HP1BP3: variants seen among roughly 807,000 people sequenced by gnomAD.
HP1BP3 encodes the protein heterochromatin protein 1 binding protein 3.
In HP1BP3, 12 loss-of-function variants were observed where a neutral mutation model predicts 62.5. The observed-to-expected ratio is 0.19, with a 90% CI of 0.12 to 0.31. HP1BP3 has a LOEUF of 0.31. Among genes scored for constraint, HP1BP3 ranks in the 10% least tolerant of loss-of-function variants. The pLI is 1.00. For missense variants in HP1BP3, 502 were observed against 651.8 expected, an observed-to-expected ratio of 0.77 and a Z score of 2.50; for synonymous variants, 260 against 237.8, an observed-to-expected ratio of 1.09 and a Z score of -0.86.
At chr1:20,778,300 T>TA (rs935204358) in intron 3 of HP1BP3, among the ~76,000 whole-genome samples, 1 of 152,212 alleles carries the variant, frequency 6.6e-6, no homozygotes, top group African/African-American at 2.4e-5. Context: ...GTGTAAAACA[T>TA]AGAGTTTACA....
At chr1:20,777,659 T>C (rs1487232900) in intron 3 of HP1BP3, among the ~76,000 whole-genome samples, 2 of 152,080 alleles carry the variant, frequency 1.3e-5, no homozygotes, top group African/African-American at 4.8e-5. Flanking sequence ...AGGGTTTCAT[T>C]GTGTTAGCCA....
intron 9 of HP1BP3, chr1:20,750,174 C>T: frequency 3.9e-6 from 1 of 257,884 alleles, no homozygotes; most frequent in Non-Finnish European, 7.1e-6. Context: ...AGCAGGTTAA[C>T]CAGTTATGTC....
chr1:20,765,799 CCT>C (rs2056752446), intron 7 of HP1BP3, among the ~76,000 whole-genome samples: 2 of 148,740 alleles, frequency 1.3e-5, no homozygotes. Flanking sequence ...TGCAAAACCT[CCT>C]CTCTACTAAA....
At chr1:20,747,267 C>CA (rs1553157569) in intron 11 of HP1BP3, among the ~76,000 whole-genome samples, 11 of 149,726 alleles carry the variant, frequency 7.3e-5, no homozygotes, top group Non-Finnish European at 1.5e-4. Flanking sequence ...TATATGTGGA[C>CA]TTTTTTTTTT....
chr1:20,780,305 T>A (rs766596854), intron 2 of HP1BP3, 40 bp downstream of exon 2: 1 of 1,432,186 alleles, frequency 7.0e-7, no homozygotes, highest in Admixed American at 1.7e-5. Flanking sequence ...AAGTCAGGGA[T>A]TGATCCAAGA....
At chr1:20,756,119 A>G (rs551335627) in intron 9 of HP1BP3, among the ~76,000 whole-genome samples, 24 of 152,364 alleles carry the variant, frequency 1.6e-4, no homozygotes, top group African/African-American at 5.8e-4. Flanking sequence ...TATAAACTGT[A>G]ATTATATAAA....
chr1:20,775,969 A>T (rs1372515554), intron 4 of HP1BP3: 1 of 1,517,044 alleles, frequency 6.6e-7, no homozygotes, highest in South Asian at 1.3e-5. Flanking sequence ...TGTTCTGACC[A>T]ATTATGAAAA....
At chr1:20,749,361 CTTTTCTTT>C (rs1311699885) in intron 10 of HP1BP3, among the ~76,000 whole-genome samples, 1 of 138,896 alleles carries the variant, frequency 7.2e-6, no homozygotes, top group African/African-American at 2.6e-5. Flanking sequence ...CTTTTCTTTT[CTTTTCTTT>C]TTTTTTGATA....
At chr1:20,784,547 C>T (rs1239920004) in intron 1 of HP1BP3, among the ~76,000 whole-genome samples, 4 of 145,780 alleles carry the variant, frequency 2.7e-5, no homozygotes, top group African/African-American at 1.0e-4. Context: ...GGCGCGATCT[C>T]GGCTCACTGC....
Position 20,776,606 on chromosome 1 carries a change from G to T in HP1BP3, c.341C>A (p.Thr114Asn), listed in dbSNP as rs1378300923. 6.2e-7 allele frequency: 1 copy of T among 1,606,202 alleles called. No individual in the cohort carries two copies. The highest frequency in any genetic ancestry group is 8.5e-7 in the Non-Finnish European group (1 of 1,177,442). Residue 114 changes from threonine to asparagine, a missense_variant, in exon 4 of 13, where the codon ACC (threonine) becomes AAC (asparagine). Physicochemically the swap from Thr to Asn is moderately conservative, Grantham distance 65. Transcript: ENST00000438032. ...AGACATAACTCCTTACTCCTTTTTG[G>T]TTTCCTCAGAAGACTTATTTTCTTC... Reference protein sequence around the residue: ...EKEENKSSEETKKDEKDQSKE... With the variant: ...EKEENKSSEENKKDEKDQSKE...
intron 10 of HP1BP3, among the ~76,000 whole-genome samples, chr1:20,749,361 C>CTTTT (rs11377726): frequency 1.4e-5 from 2 of 138,886 alleles, no homozygotes; most frequent in Admixed American, 7.2e-5. Flanking sequence ...CTTTTCTTTT[C>CTTTT]TTTTCTTTTT....
At chr1:20,765,643 C>T (rs1478064227) in intron 7 of HP1BP3, 112 bp from the exon 8 acceptor site, 2 of 815,814 alleles carry the variant, frequency 2.5e-6, no homozygotes, top group Admixed American at 2.9e-5. Flanking sequence ...ATGGCAATTT[C>T]TTTGATATAA....
intron 1 of HP1BP3, among the ~76,000 whole-genome samples, chr1:20,783,372 A>T (rs1442684348): frequency 6.6e-6 from 1 of 152,070 alleles, no homozygotes; most frequent in African/African-American, 2.4e-5. Context: ...CACAAAAGTT[A>T]GCCAGGCGCT....
chr1:20,767,695 A>G (rs1472980290), intron 6 of HP1BP3, 31 bp from the exon 7 acceptor site: 3 of 1,421,690 alleles, frequency 2.1e-6, no homozygotes, highest in Non-Finnish European at 2.9e-6. Context: ...TTATTCTAGT[A>G]TTCATAACTT....
rs1570552441 is a variant in HP1BP3, at chr1:20,749,628, G to T, written c.1141+95C>A. On this transcript the variant is annotated intron_variant, in intron 10 of 12. Transcript: ENST00000438032. ...CCCGCCTCAGCCTCCCAAAGTGCTG[G>T]GATTACAGGCGTGAGCCACAGTGCC... 5.7e-6 allele frequency: 7 copies of T among 1,224,176 alleles called. No individual in the cohort carries two copies. The East Asian group carries it at 1.7e-4, about 30-fold the overall frequency. The allele number at this position is 1,224,176 out of a possible 1,614,324, so 75.8% of individuals were successfully genotyped here.
At chr1:20,786,438 T>TAG (rs929231896) in intron 1 of HP1BP3, 1 of 152,104 alleles carries the variant, frequency 6.6e-6, no homozygotes, top group African/African-American at 2.4e-5. Context: ...CGAGGCGAGG[T>TAG]AGCTACAGGC....
At chr1:20,762,749 T>C (rs1310080190) in intron 8 of HP1BP3, among the ~76,000 whole-genome samples, 2 of 152,096 alleles carry the variant, frequency 1.3e-5, no homozygotes, top group African/African-American at 4.8e-5. Flanking sequence ...TATATTAATG[T>C]CTCATGTTTC....
At position 20,744,770 on chromosome 1, in the gene HP1BP3, T is replaced by A; in HGVS notation, c.*27A>T. 1 of 1,562,412 alleles carries A rather than the reference T, an allele frequency of 6.4e-7. No homozygotes were observed. Among genetic ancestry groups the A allele is most frequent in the Non-Finnish European group, 8.7e-7 (1 of 1,155,324 alleles). ...TTAGAAAATAAGATTTTGAATTTCA[T>A]CATGATACCCTTTTTTCCTATAAAA... On this transcript the variant is annotated 3_prime_UTR_variant, in exon 13 of 13. Transcript: ENST00000438032.
At chr1:20,759,696 G>A (rs1226974138) in intron 8 of HP1BP3, among the ~76,000 whole-genome samples, 1 of 152,112 alleles carries the variant, frequency 6.6e-6, no homozygotes, top group East Asian at 1.9e-4. Context: ...CAGGCCTTTG[G>A]TGATGACATC....
Sources: allele counts gnomAD v4.1 joint callset (sites outside exome capture counted in the v4.1 genomes callset), GRCh38; gene constraint gnomAD v4.1.1; transcripts MANE v1.5; gene names NCBI Gene and HGNC (gene_info 2026-07-23, HGNC 2026-07-21).